Variants in NLN observed in about 807,000 individuals in gnomAD.
The protein encoded by NLN is neurolysin, also known as neurolysin, mitochondrial.
In NLN, 64 loss-of-function variants were observed where a neutral mutation model predicts 79.9. The ratio of observed to expected loss-of-function variants is 0.80; its 90% CI spans 0.65 to 0.99. The LOEUF is 0.99. Among genes scored for constraint, NLN ranks in the 50% least tolerant of loss-of-function variants. The probability of loss-of-function intolerance (pLI) is 0.00; values close to 1 mark genes in which losing one functional copy is unlikely to be tolerated. For missense variants in NLN, 835 were observed against 858.7 expected (o/e 0.97, Z 0.34); for synonymous variants, 267 against 296.6 (o/e 0.90, Z 1.02).
chr5:65,743,579 A>G (rs945764379), intron 1 of NLN, among the ~76,000 whole-genome samples: 7 of 152,254 alleles, frequency 4.6e-5, no homozygotes, highest in African/African-American at 1.7e-4. Context: ...ACAGTATGAA[A>G]GAGGAGAACT....
At chr5:65,820,063 A>G (rs968904293) in intron 12 of NLN, among the ~76,000 whole-genome samples, 9 of 152,198 alleles carry the variant, frequency 5.9e-5, no homozygotes, top group Non-Finnish European at 1.0e-4. Context: ...TGATTTTACC[A>G]TTCATGAGCT....
intron 1 of NLN, among the ~76,000 whole-genome samples, chr5:65,741,493 C>A (rs576508635): frequency 3.9e-4 from 59 of 152,262 alleles, no homozygotes; most frequent in African/African-American, 1.4e-3. Flanking sequence ...ATCTAGGCAT[C>A]ATCATTCACA....
At chr5:65,739,002 TA>T (rs1758810409) in intron 1 of NLN, among the ~76,000 whole-genome samples, 1 of 142,244 alleles carries the variant, frequency 7.0e-6, no homozygotes, top group African/African-American at 2.6e-5. Context: ...ATATATTTTA[TA>T]ATATATATTT....
At position 65,792,471 on chromosome 5, in the gene NLN, A is replaced by G; in HGVS notation, c.1343A>G (p.His448Arg). Reference protein sequence around the residue: ...DLYPREGKYNHAACFGLQPGC... With the variant: ...DLYPREGKYNRAACFGLQPGC... ...GCTCCTAGGGAAGGAAAATACAATC[A>G]TGCGGCCTGCTTCGGTCTCCAGCCT... Residue 448 changes from histidine to arginine, a missense_variant, in exon 9 of 13, where the codon CAT (histidine) becomes CGT (arginine). By Grantham distance (29) the His-to-Arg change is conservative (BLOSUM62 0). Coordinates refer to ENST00000380985, the MANE Select transcript of NLN (RefSeq NM_020726.5). The G allele has an allele frequency of 1.2e-6, 2 of 1,613,888 alleles. No homozygotes were observed. Among genetic ancestry groups the G allele is most frequent in the Non-Finnish European group, 1.7e-6 (2 of 1,179,830 alleles).
intron 3 of NLN, among the ~76,000 whole-genome samples, chr5:65,773,495 A>C (rs1026844765): frequency 8.5e-5 from 13 of 152,212 alleles, no homozygotes; most frequent in African/African-American, 3.1e-4. Context: ...TAGTTCTTTT[A>C]ACGGCATTGT....
At chr5:65,814,543 A>G (rs919529345) in intron 12 of NLN, among the ~76,000 whole-genome samples, 1 of 152,184 alleles carries the variant, frequency 6.6e-6, no homozygotes, top group African/African-American at 2.4e-5. Context: ...ATCCAAAACC[A>G]AAAGTGATCT....
intron 1 of NLN, among the ~76,000 whole-genome samples, chr5:65,723,769 C>T (rs558796422): frequency 4.7e-4 from 65 of 136,868 alleles, no homozygotes; most frequent in Non-Finnish European, 8.0e-4. Context: ...GAGCCGAGAT[C>T]GCACCACTGT....
At chr5:65,761,728 G>T (rs147040854) in intron 2 of NLN, among the ~76,000 whole-genome samples, 2 of 152,006 alleles carry the variant, frequency 1.3e-5, no homozygotes, top group Non-Finnish European at 2.9e-5. Flanking sequence ...AATCCTAAAA[G>T]CATAATTTCA....
intron 1 of NLN, among the ~76,000 whole-genome samples, chr5:65,740,429 C>T (rs2150737531): frequency 6.6e-6 from 1 of 152,322 alleles, no homozygotes; most frequent in South Asian, 2.1e-4. Flanking sequence ...ACCCAATCAT[C>T]TCTTAACAGC....
At chr5:65,744,618 G>A (rs2561229) in intron 1 of NLN, among the ~76,000 whole-genome samples, 32,351 of 152,102 alleles carry the variant, frequency 0.21, 3,588 homozygotes, top group Non-Finnish European at 0.25. Context: ...CTCAGCTGAG[G>A]CTGGGCACAG....
In NLN at chr5:65,722,412, C is replaced by A; in HGVS notation, c.39C>A (p.Arg13=). The A allele has an allele frequency of 6.3e-7, 1 of 1,588,706 alleles. No homozygotes were observed. The highest frequency in any genetic ancestry group is 8.6e-7 in the Non-Finnish European group (1 of 1,168,990). Residue 13 remains arginine, a splice_region_variant and synonymous_variant, in exon 1 of 13, where the codon CGC becomes CGA. Transcript: ENST00000380985. ...ARCLLAVRSL[R]RVGGSRILLR... ...GCCTTTTGGCTGTGCGAAGCCTCCG[C>A]AGGTACCTCCAGCGCGCGGGTTAAC...
At chr5:65,739,067 T>C (rs1228175403) in intron 1 of NLN, among the ~76,000 whole-genome samples, 1 of 103,612 alleles carries the variant, frequency 9.7e-6, no homozygotes, top group African/African-American at 3.8e-5. Context: ...TTAGCCTGGC[T>C]AAATTTTGTA....
chr5:65,781,148 T>G, intron 5 of NLN, 113 bp from the exon 6 acceptor site: 1 of 646,956 alleles, frequency 1.5e-6, no homozygotes, highest in Non-Finnish European at 2.7e-6. Flanking sequence ...TTATTTTACT[T>G]GAATTTCAAT....
chr5:65,737,202 T>A (rs1378319811), intron 1 of NLN, among the ~76,000 whole-genome samples: 2 of 152,194 alleles, frequency 1.3e-5, no homozygotes, highest in Admixed American at 1.3e-4. Flanking sequence ...AGAATACAGC[T>A]GTGGATAAGA....
intron 12 of NLN, among the ~76,000 whole-genome samples, chr5:65,816,473 A>G (rs180854813): frequency 8.5e-5 from 13 of 152,192 alleles, no homozygotes; most frequent in African/African-American, 2.2e-4. Flanking sequence ...CTGTATGGCA[A>G]ACCCATGTGA....
chr5:65,814,212 C>G (rs531171700), intron 12 of NLN, among the ~76,000 whole-genome samples: 1 of 152,228 alleles, frequency 6.6e-6, no homozygotes, highest in Admixed American at 6.5e-5. Flanking sequence ...GAAAGTTACC[C>G]TTCCTCCGTA....
At chr5:65,746,235 A>G (rs1055329874) in intron 1 of NLN, among the ~76,000 whole-genome samples, 2 of 152,226 alleles carry the variant, frequency 1.3e-5, no homozygotes. Context: ...CAAAACCTAA[A>G]AAAAGACAAC....
chr5:65,763,043 C>T lies in NLN; in HGVS notation c.385C>T (p.Leu129Phe). 1 of 1,613,754 alleles carries T rather than the reference C, an allele frequency of 6.2e-7. No individual in the cohort carries two copies. ...AGCAAGTACAGAAGCAGACAAAAGA[C>T]TTTCTCGTTTTGATATTGAGATGAG... ...RAASTEADKR[L>F]SRFDIEMSMR... Residue 129 changes from leucine (L) to phenylalanine (F), a missense_variant, in exon 3 of 13, where the codon CTT becomes TTT. By Grantham distance (22) the Leu-to-Phe change is conservative. Transcript: ENST00000380985.
At chr5:65,773,961 C>A (rs1759623914) in intron 3 of NLN, among the ~76,000 whole-genome samples, 2 of 151,458 alleles carry the variant, frequency 1.3e-5, no homozygotes, top group African/African-American at 2.4e-5. Flanking sequence ...TAATAATAAT[C>A]AACTCAATTT....
Sources: allele counts gnomAD v4.1 joint callset (sites outside exome capture counted in the v4.1 genomes callset), GRCh38; gene constraint gnomAD v4.1.1; transcripts MANE v1.5; gene names NCBI Gene and HGNC (gene_info 2026-07-23, HGNC 2026-07-21).